The following CDKL2 variants were observed in gnomAD, a reference collection of about 807,000 sequenced individuals.
CDKL2 encodes the protein cyclin dependent kinase like 2.
CDKL2 carries 64 observed loss-of-function variants against 63.9 expected under a neutral mutation model. The observed-to-expected ratio is 1.00, with a 90% confidence interval of 0.82 to 1.23. The LOEUF is 1.23. Among genes scored for constraint, CDKL2 ranks in the 50% most tolerant of loss-of-function variants. CDKL2 has a pLI of 0.00. For missense variants in CDKL2, 656 were observed against 668.0 expected (o/e 0.98, Z 0.20); for synonymous variants, 211 against 229.2 (o/e 0.92, Z 0.72).
Position 75,597,211 on chromosome 4 carries a change from T to C in CDKL2, c.1046A>G (p.Lys349Arg), listed in dbSNP as rs763022818. 38 of 1,606,282 alleles carry C rather than the reference T, an allele frequency of 2.4e-5. 1 individual carries two copies. The South Asian group carries it at 4.0e-4, about 17-fold the overall frequency. ...VQDTNADPKI[K>R]DYKLFKIKGS... is the part of the protein sequence containing the mutation. ...TTTTATTTTAAATAGTTTATAATCC[T>C]TAATTTTGGGATCAGCATTGGTATC... is the stretch of plus-strand genomic sequence containing the variant. The change falls in exon 9 of 14, where the codon AAG (lysine) becomes AGG (arginine). Residue 349 changes from lysine (K) to arginine (R), a missense_variant. Lys to Arg is a conservative substitution (Grantham distance 26). Transcript: ENST00000307465.
intron 3 of CDKL2, among the ~76,000 whole-genome samples, chr4:75,611,640 A>G (rs888760936): frequency 1.3e-5 from 2 of 151,390 alleles, no homozygotes; most frequent in South Asian, 2.1e-4. Flanking sequence ...TCTGAAGCTT[A>G]GCAGGGAACC....
intron 10 of CDKL2, among the ~76,000 whole-genome samples, chr4:75,592,699 C>G (rs573601224): frequency 6.6e-6 from 1 of 152,292 alleles, no homozygotes. Flanking sequence ...CTCCCCCTAG[C>G]TTATTTTTCA....
chr4:75,597,133 G>C lies in CDKL2; in HGVS notation c.1124C>G (p.Ala375Gly), dbSNP rs966383702. Residue 375 changes from alanine to glycine, a missense_variant, in exon 9 of 14, where the codon GCC becomes GGC. Ala to Gly is a moderately conservative substitution (Grantham distance 60). Coordinates refer to ENST00000307465, the MANE Select transcript of CDKL2 (RefSeq NM_001330724.2). The part of the protein sequence containing the change: ...KAEKGNRASN[A>G]SCLHDSRTSH... Reference sequence around the variant, plus strand: ...TGTCCTACTGTCATGGAGACAGCTGGCATTTGAAGCTCTATTGCCTTTTTC... The same window carrying C: ...TGTCCTACTGTCATGGAGACAGCTGCCATTTGAAGCTCTATTGCCTTTTTC... 1.9e-6 allele frequency: 3 copies of C among 1,614,008 alleles called. No individual in the cohort carries two copies. Among genetic ancestry groups the C allele is most frequent in the Non-Finnish European group, 2.5e-6 (3 of 1,179,926 alleles).
chr4:75,586,823 C>A (rs1242922615), intron 12 of CDKL2, among the ~76,000 whole-genome samples: 1 of 151,964 alleles, frequency 6.6e-6, no homozygotes, highest in Non-Finnish European at 1.5e-5. Flanking sequence ...TAAAGCAGTG[C>A]TTAGAGGAAA....
In CDKL2 at chr4:75,611,164, A is replaced by G. The variant is rs1320942081; in HGVS notation, c.363+3091T>C. Among the ~76,000 whole-genome samples, 3 of 152,300 alleles carry G rather than the reference A, an allele frequency of 2.0e-5. No individual in the cohort carries two copies. The South Asian group carries it at 6.2e-4, about 32-fold the overall frequency. ...AAGAAATCACAATCTAGAAGAGTTTAAGAGTAAATGGAGGCTGGGCACAGT... is the reference window on the plus strand; with the variant it reads ...AAGAAATCACAATCTAGAAGAGTTTGAGAGTAAATGGAGGCTGGGCACAGT... On this transcript the variant is annotated intron_variant, in intron 3 of 13. Transcript: ENST00000307465.
intron 13 of CDKL2, among the ~76,000 whole-genome samples, chr4:75,581,442 A>C (rs142656589): frequency 6.6e-6 from 1 of 152,348 alleles, no homozygotes; most frequent in East Asian, 1.9e-4. Flanking sequence ...TGCATCTTTC[A>C]GAACATTAAC....
intron 12 of CDKL2, among the ~76,000 whole-genome samples, chr4:75,583,009 A>G (rs1728325220): frequency 6.6e-6 from 1 of 152,214 alleles, no homozygotes; most frequent in Non-Finnish European, 1.5e-5. Flanking sequence ...AACTAAGAAC[A>G]TTTGTCACCG....
At chr4:75,588,382 A>T (rs928861652) in intron 12 of CDKL2, among the ~76,000 whole-genome samples, 2 of 152,222 alleles carry the variant, frequency 1.3e-5, no homozygotes, top group African/African-American at 2.4e-5. Context: ...TATGAAGCTA[A>T]CAAAACCTTA....
At chr4:75,603,790 T>C in intron 6 of CDKL2, 27 bp downstream of exon 6, 1 of 1,393,828 alleles carries the variant, frequency 7.2e-7, no homozygotes, top group Non-Finnish European at 9.6e-7. Flanking sequence ...TTCCCTGTCA[T>C]AAAGTGTAAA....
chr4:75,606,024 A>G (rs913652651), intron 4 of CDKL2, among the ~76,000 whole-genome samples: 1 of 152,206 alleles, frequency 6.6e-6, no homozygotes, highest in Admixed American at 6.5e-5. Context: ...GTTATTATGT[A>G]TACTTTATTC....
intron 12 of CDKL2, among the ~76,000 whole-genome samples, chr4:75,583,765 A>C (rs1036103509): frequency 6.6e-6 from 1 of 152,168 alleles, no homozygotes; most frequent in Non-Finnish European, 1.5e-5. Context: ...CAAGGGGTAC[A>C]ATGTAGACTA....
chr4:75,616,952 C>CGGGTG (rs1729955357), intron 2 of CDKL2, among the ~76,000 whole-genome samples: 6 of 151,956 alleles, frequency 3.9e-5, no homozygotes, highest in Non-Finnish European at 8.8e-5. Context: ...TGGGGCCTAC[C>CGGGTG]GGAGGGCAAA....
chr4:75,628,320 T>C (rs973728657), intron 1 of CDKL2, among the ~76,000 whole-genome samples: 4 of 152,152 alleles, frequency 2.6e-5, no homozygotes, highest in African/African-American at 4.8e-5. Flanking sequence ...TTTCACCGTG[T>C]TAGCCAGGAT....
intron 5 of CDKL2, 65 bp downstream of exon 5, chr4:75,605,457 C>A (rs1306859731): frequency 2.1e-6 from 2 of 937,246 alleles, no homozygotes; most frequent in East Asian, 5.1e-5. Context: ...AAATCACAAA[C>A]ACACAGGCAC....
At chr4:75,596,450 A>G in intron 9 of CDKL2, 110 bp from the exon 10 acceptor site, 4 of 684,342 alleles carry the variant, frequency 5.8e-6, no homozygotes, top group African/African-American at 5.3e-5. Context: ...ACCAGAGTGT[A>G]ATGTCTATTC....
At chr4:75,607,762 T>C (rs1295186116) in intron 3 of CDKL2, among the ~76,000 whole-genome samples, 1 of 152,018 alleles carries the variant, frequency 6.6e-6, no homozygotes, top group Non-Finnish European at 1.5e-5. Flanking sequence ...CCCAAGTGAA[T>C]GTAACAAGGA....
At chr4:75,587,817 T>C (rs1578316457) in intron 12 of CDKL2, among the ~76,000 whole-genome samples, 1 of 147,176 alleles carries the variant, frequency 6.8e-6, no homozygotes, top group South Asian at 2.1e-4. Context: ...GGCAGGAGGA[T>C]GGCATGAACC....
intron 13 of CDKL2, among the ~76,000 whole-genome samples, chr4:75,580,763 C>A (rs577161152): frequency 3.4e-5 from 5 of 146,728 alleles, no homozygotes; most frequent in African/African-American, 2.5e-5. Flanking sequence ...TGCAGTGGCG[C>A]GATCTCGGCT....
intron 3 of CDKL2, among the ~76,000 whole-genome samples, chr4:75,609,532 G>C (rs1285136410): frequency 1.3e-5 from 2 of 151,370 alleles, no homozygotes; most frequent in African/African-American, 4.9e-5. Flanking sequence ...TTGAACCTAG[G>C]AGGGGGAAGG....
Sources: gnomAD v4.1 joint callset for allele counts (sites outside exome capture counted in the v4.1 genomes callset) on GRCh38, gnomAD v4.1.1 for gene constraint, MANE v1.5 for transcripts, NCBI Gene and HGNC (gene_info 2026-07-23, HGNC 2026-07-21) for gene names.